GTF2E2: variants seen among roughly 807,000 people sequenced by gnomAD.
The protein encoded by GTF2E2 is general transcription factor IIE subunit 2.
In GTF2E2, 21 loss-of-function variants were observed where a neutral mutation model predicts 40.5. The observed-to-expected ratio is 0.52, with a 90% confidence interval of 0.37 to 0.75. The LOEUF is 0.75. Ranked by LOEUF, GTF2E2 falls within the 30% of genes least tolerant of loss-of-function variation. GTF2E2 has a pLI of 0.00. For missense variants in GTF2E2, 298 were observed against 338.4 expected (o/e 0.88, Z 0.94); for synonymous variants, 117 against 121.6 (o/e 0.96, Z 0.25).
intron 3 of GTF2E2, 52 bp downstream of exon 3, chr8:30,634,977 CCTT>C (rs1801543322): frequency 1.1e-6 from 1 of 929,674 alleles, no homozygotes. Flanking sequence ...ACCCTAATCT[CCTT>C]CTTTTGCCAA....
At chr8:30,650,886 T>G (rs915535872) in intron 2 of GTF2E2, among the ~76,000 whole-genome samples, 1 of 151,768 alleles carries the variant, frequency 6.6e-6, no homozygotes, top group Non-Finnish European at 1.5e-5. Flanking sequence ...TGGCGATGGG[T>G]GCCTGTAGTC....
intron 6 of GTF2E2, among the ~76,000 whole-genome samples, chr8:30,602,288 G>A (rs1369482534): frequency 6.6e-6 from 1 of 152,004 alleles, no homozygotes; most frequent in Non-Finnish European, 1.5e-5. Context: ...AAAGTGCTGG[G>A]ATTACAGTCA....
intron 6 of GTF2E2, among the ~76,000 whole-genome samples, chr8:30,594,569 A>G (rs1051229245): frequency 5.9e-5 from 9 of 151,822 alleles, no homozygotes; most frequent in African/African-American, 2.2e-4. Context: ...AAAAAAAAAA[A>G]AAAAGTGGCC....
rs10503875 is a variant in GTF2E2 at position 30,611,932 on chromosome 8, T to C, written c.549+367A>G. On this transcript the variant is annotated intron_variant, in intron 5 of 7. Coordinates refer to ENST00000355904, the MANE Select transcript of GTF2E2 (RefSeq NM_002095.6). ...GCCAGGTTATTAACCAATGCTTTCATGTTTTAATGCCTCTAGTTCCTCAGG... is the reference window on the plus strand; with the variant it reads ...GCCAGGTTATTAACCAATGCTTTCACGTTTTAATGCCTCTAGTTCCTCAGG... Among the ~76,000 whole-genome samples, 1,398 of 152,338 alleles carry C rather than the reference T, an allele frequency of 9.2e-3. 29 individuals carry two copies. Among genetic ancestry groups the C allele is most frequent in the African/African-American group, 0.031 (1,286 of 41,570 alleles).
chr8:30,637,601 G>A (rs767276325), intron 2 of GTF2E2, among the ~76,000 whole-genome samples: 28 of 152,142 alleles, frequency 1.8e-4, no homozygotes, highest in Non-Finnish European at 3.4e-4. Flanking sequence ...TCAACTCACT[G>A]CAACCTCTGC....
intron 3 of GTF2E2, among the ~76,000 whole-genome samples, chr8:30,623,450 G>C (rs1801173450): frequency 6.6e-6 from 1 of 151,706 alleles, no homozygotes; most frequent in Admixed American, 6.6e-5. Flanking sequence ...TATCATTGTT[G>C]GACATTTGAG....
At chr8:30,588,628 G>A (rs144478723) in intron 6 of GTF2E2, among the ~76,000 whole-genome samples, 32 of 152,276 alleles carry the variant, frequency 2.1e-4, no homozygotes, top group Admixed American at 7.2e-4. Flanking sequence ...AGGTTATCCT[G>A]GATTATTTGA....
chr8:30,582,029 TGAGACAGGGTCTA>T (rs980460891), intron 6 of GTF2E2, among the ~76,000 whole-genome samples: 44 of 152,344 alleles, frequency 2.9e-4, no homozygotes, highest in African/African-American at 1.1e-3. Context: ...TATTTATTTT[TGAGACAGGGTCTA>T]GTTCTGTTGC....
At chr8:30,637,754 C>G (rs1045567755) in intron 2 of GTF2E2, among the ~76,000 whole-genome samples, 9 of 152,140 alleles carry the variant, frequency 5.9e-5, no homozygotes, top group African/African-American at 2.2e-4. Flanking sequence ...AACTCCTGAC[C>G]CTGTGATCCA....
chr8:30,593,397 A>G (rs7843732), intron 6 of GTF2E2, among the ~76,000 whole-genome samples: 5,899 of 152,282 alleles, frequency 0.039, 397 homozygotes, highest in African/African-American at 0.13. Context: ...AGTTTCATCC[A>G]TTTTTAATTC....
intron 1 of GTF2E2, among the ~76,000 whole-genome samples, chr8:30,655,565 CATT>C (rs1364981793): frequency 6.6e-6 from 1 of 152,166 alleles, no homozygotes; most frequent in Non-Finnish European, 1.5e-5. Context: ...GCTCTGGTCC[CATT>C]ATTACTGGTT....
At chr8:30,602,596 A>G (rs1585952834) in intron 6 of GTF2E2, among the ~76,000 whole-genome samples, 1 of 152,006 alleles carries the variant, frequency 6.6e-6, no homozygotes, top group Non-Finnish European at 1.5e-5. Flanking sequence ...GTCTCTACTA[A>G]AAATACAAAA....
At chr8:30,585,849 T>C (rs919086055) in intron 6 of GTF2E2, among the ~76,000 whole-genome samples, 1 of 136,348 alleles carries the variant, frequency 7.3e-6, no homozygotes, top group Non-Finnish European at 1.5e-5. Flanking sequence ...CTTAGGGAGA[T>C]GGAGGTGGGA....
intron 3 of GTF2E2, among the ~76,000 whole-genome samples, chr8:30,616,489 C>T (rs1800921282): frequency 1.5e-5 from 1 of 66,198 alleles, no homozygotes; most frequent in African/African-American, 1.0e-4. Flanking sequence ...TAGTGGCTGC[C>T]AAGGGTTGAG....
intron 3 of GTF2E2, among the ~76,000 whole-genome samples, chr8:30,619,589 A>T (rs1801025857): frequency 6.6e-6 from 1 of 151,476 alleles, no homozygotes; most frequent in Admixed American, 6.6e-5. Flanking sequence ...GGGTTTCACC[A>T]TGTTGGTCAG....
chr8:30,645,345 T>C (rs1563508572), intron 2 of GTF2E2: 1 of 1,535,720 alleles, frequency 6.5e-7, no homozygotes, highest in Non-Finnish European at 8.7e-7. Context: ...CCACTACCTC[T>C]GTTTATCAGT....
intron 3 of GTF2E2, among the ~76,000 whole-genome samples, chr8:30,625,567 T>C (rs1170898224): frequency 6.6e-6 from 1 of 151,558 alleles, no homozygotes; most frequent in Admixed American, 6.6e-5. Flanking sequence ...CATGTGGCAG[T>C]GTGCAAGTAG....
rs1345010276 is a variant in GTF2E2, at chr8:30,645,212, T to G, written c.166+8221A>C. 1.5e-5 allele frequency: 19 copies of G among 1,258,182 alleles called. No homozygotes were observed. In the South Asian group the frequency reaches 2.7e-4, roughly 18 times the overall value. The allele number at this position is 1,258,182 out of a possible 1,614,324, so 77.9% of individuals were successfully genotyped here. A position where few individuals can be genotyped will look rare whatever the true frequency, so the allele number is the denominator to read the frequency against. ...GCCTATACAAATTTACTAAGAAATC[T>G]TAGTACTGAGATTTGAATTAACAGA... is the stretch of plus-strand genomic sequence containing the variant. On this transcript the variant is annotated intron_variant, in intron 2 of 7. Coordinates refer to ENST00000355904, the MANE Select transcript of GTF2E2 (RefSeq NM_002095.6).
intron 6 of GTF2E2, among the ~76,000 whole-genome samples, chr8:30,591,489 T>TA (rs919247482): frequency 7.3e-5 from 11 of 151,392 alleles, no homozygotes; most frequent in African/African-American, 2.2e-4. Flanking sequence ...GTTTCTACAG[T>TA]AAAAAAATAA....
Sources: allele counts gnomAD v4.1 joint callset (sites outside exome capture counted in the v4.1 genomes callset), GRCh38; gene constraint gnomAD v4.1.1; transcripts MANE v1.5; gene names NCBI Gene and HGNC (gene_info 2026-07-23, HGNC 2026-07-21).